The following GPC5 variants were observed in gnomAD, a reference collection of about 807,000 sequenced individuals.
GPC5 encodes the protein glypican 5, also known as glypican-5.
In GPC5, 47 loss-of-function variants were observed where a neutral mutation model predicts 53.9. That is an observed-to-expected ratio of 0.87 (90% CI 0.69 to 1.11). The LOEUF (loss-of-function observed/expected upper bound fraction) is 1.11, where lower values mean the gene tolerates loss of function less well. GPC5 is among the 50% of genes most tolerant of loss of function. The pLI, the probability that GPC5 is intolerant of heterozygous loss-of-function variation, is 0.00. For missense variants in GPC5, 748 were observed against 713.1 expected, an observed-to-expected ratio of 1.05 and a Z score of -0.56; for synonymous variants, 286 against 263.3, an observed-to-expected ratio of 1.09 and a Z score of -0.84.
At chr13:92,280,254 GTCT>G (rs1305498352) in intron 7 of GPC5, among the ~76,000 whole-genome samples, 1 of 152,022 alleles carries the variant, frequency 6.6e-6, no homozygotes, top group Non-Finnish European at 1.5e-5. Flanking sequence ...TTTGTCTTCT[GTCT>G]TCTTAGTATA....
intron 7 of GPC5, among the ~76,000 whole-genome samples, chr13:92,225,484 A>T (rs2042478545): frequency 6.6e-6 from 1 of 152,220 alleles, no homozygotes; most frequent in South Asian, 2.1e-4. Flanking sequence ...ACAAAAACTT[A>T]GAATATCTGA....
At chr13:91,489,323 C>A (rs546561234) in intron 2 of GPC5, among the ~76,000 whole-genome samples, 2 of 152,082 alleles carry the variant, frequency 1.3e-5, no homozygotes, top group Non-Finnish European at 2.9e-5. Context: ...TGTGATGTCT[C>A]CCCCGGACAC....
At chr13:91,889,901 A>G (rs545469690) in intron 5 of GPC5, among the ~76,000 whole-genome samples, 60 of 152,344 alleles carry the variant, frequency 3.9e-4, no homozygotes, top group Middle Eastern at 3.4e-3. Context: ...ATAAAATGTT[A>G]TCAATCAATA....
At chr13:91,541,327 T>A (rs1484229220) in intron 2 of GPC5, among the ~76,000 whole-genome samples, 4 of 152,160 alleles carry the variant, frequency 2.6e-5, no homozygotes, top group African/African-American at 9.6e-5. Flanking sequence ...TTGGTTAATT[T>A]CTTTGGTCAA....
intron 2 of GPC5, among the ~76,000 whole-genome samples, chr13:91,479,906 A>G (rs1018892695): frequency 6.6e-6 from 1 of 152,210 alleles, no homozygotes; most frequent in Non-Finnish European, 1.5e-5. Context: ...ATTTAATGGT[A>G]AAAACTTGCT....
At chr13:91,859,076 G>A (rs550206267) in intron 5 of GPC5, among the ~76,000 whole-genome samples, 1 of 147,690 alleles carries the variant, frequency 6.8e-6, no homozygotes, top group Non-Finnish European at 1.5e-5. Context: ...AGTAGGTTTG[G>A]TTTATCTTTT....
At chr13:92,694,946 C>T (rs1470642158) in intron 7 of GPC5, among the ~76,000 whole-genome samples, 3 of 152,096 alleles carry the variant, frequency 2.0e-5, no homozygotes, top group Non-Finnish European at 2.9e-5. Context: ...TGGGGTCCCC[C>T]ATGTTGTTCT....
At chr13:91,479,208 C>G (rs1215084178) in intron 2 of GPC5, among the ~76,000 whole-genome samples, 1 of 151,980 alleles carries the variant, frequency 6.6e-6, no homozygotes, top group Non-Finnish European at 1.5e-5. Context: ...CCACCACACT[C>G]AGCCTTTAAT....
At chr13:92,582,712 A>T (rs542978494) in intron 7 of GPC5, among the ~76,000 whole-genome samples, 15 of 152,188 alleles carry the variant, frequency 9.9e-5, no homozygotes, top group Admixed American at 8.5e-4. Context: ...CGGATCTTTC[A>T]TATCCCTGGT....
chr13:92,533,785 C>T (rs754776093), intron 7 of GPC5, among the ~76,000 whole-genome samples: 2 of 152,104 alleles, frequency 1.3e-5, no homozygotes, highest in African/African-American at 4.8e-5. Flanking sequence ...TTCATGATGG[C>T]GGGCTCAACT....
intron 7 of GPC5, among the ~76,000 whole-genome samples, chr13:92,380,154 G>C (rs1421754256): frequency 1.3e-5 from 2 of 152,124 alleles, no homozygotes; most frequent in Non-Finnish European, 2.9e-5. Flanking sequence ...GAATTAGCAA[G>C]GCTACTGCAT....
chr13:92,538,131 C>A (rs936257552), intron 7 of GPC5, among the ~76,000 whole-genome samples: 2 of 152,104 alleles, frequency 1.3e-5, no homozygotes, highest in Non-Finnish European at 2.9e-5. Context: ...CAGGCTAACT[C>A]ACCAAATAAC....
chr13:91,611,668 A>G (rs2033553657), intron 2 of GPC5, among the ~76,000 whole-genome samples: 2 of 152,118 alleles, frequency 1.3e-5, no homozygotes, highest in Non-Finnish European at 1.5e-5. Context: ...TAAGTCCACA[A>G]TTTGGTTCCT....
At chr13:92,590,293 T>C (rs1348820199) in intron 7 of GPC5, among the ~76,000 whole-genome samples, 6 of 150,464 alleles carry the variant, frequency 4.0e-5, no homozygotes, top group African/African-American at 1.2e-4. Context: ...ACACCGAGAA[T>C]GAAACATGGA....
chr13:92,692,752 C>CTTTTTTTTTTTTTTT (rs1457273874), intron 7 of GPC5, among the ~76,000 whole-genome samples: 4 of 61,288 alleles, frequency 6.5e-5, no homozygotes, highest in African/African-American at 1.9e-4. Context: ...CCAATATCGG[C>CTTTTTTTTTTTTTTT]TATTTTTTTT....
intron 6 of GPC5, among the ~76,000 whole-genome samples, chr13:91,916,727 A>G (rs2039663095): frequency 6.6e-6 from 1 of 152,156 alleles, no homozygotes; most frequent in South Asian, 2.1e-4. Flanking sequence ...ATCATGAGAG[A>G]AGCCACCTCT....
At chr13:92,635,284 A>T (rs1217380098) in intron 7 of GPC5, among the ~76,000 whole-genome samples, 2 of 152,218 alleles carry the variant, frequency 1.3e-5, no homozygotes, top group Non-Finnish European at 2.9e-5. Context: ...CATCTGTCTC[A>T]GCCCATGTTA....
At chr13:91,986,161 G>C (rs975397030) in intron 6 of GPC5, among the ~76,000 whole-genome samples, 1 of 137,838 alleles carries the variant, frequency 7.3e-6, no homozygotes, top group African/African-American at 2.8e-5. Context: ...CGCCTCCCAG[G>C]TTCATACCAT....
chr13:92,374,732 T>C (rs574499407), intron 7 of GPC5, among the ~76,000 whole-genome samples: 58 of 147,302 alleles, frequency 3.9e-4, no homozygotes, highest in Non-Finnish European at 7.0e-4. Flanking sequence ...AGGGATAGCA[T>C]TGGGAGATAT....
Sources: gnomAD v4.1 joint callset for allele counts (sites outside exome capture counted in the v4.1 genomes callset) on GRCh38, gnomAD v4.1.1 for gene constraint, MANE v1.5 for transcripts, NCBI Gene and HGNC (gene_info 2026-07-23, HGNC 2026-07-21) for gene names.